The following PTPRO variants were observed in gnomAD, a reference collection of about 807,000 sequenced individuals.
PTPRO encodes the protein receptor-type tyrosine-protein phosphatase O.
PTPRO carries 62 observed loss-of-function variants against 145.2 expected under a neutral mutation model. That is an observed-to-expected ratio of 0.43 (90% CI 0.35 to 0.53). PTPRO has a LOEUF of 0.53. PTPRO is among the 20% of genes least tolerant of loss of function. The pLI, the probability that PTPRO is intolerant of heterozygous loss-of-function variation, is 0.01. For missense variants in PTPRO, 1,345 were observed against 1,482.7 expected (o/e 0.91, Z 1.53); for synonymous variants, 565 against 514.7 (o/e 1.10, Z -1.32).
intron 1 of PTPRO, among the ~76,000 whole-genome samples, chr12:15,468,763 G>T (rs570181402): frequency 6.6e-6 from 1 of 152,274 alleles, no homozygotes; most frequent in East Asian, 1.9e-4. Context: ...GCACTCAATT[G>T]TTAAAAACTA....
chr12:15,327,527 A>G (rs1488092662), intron 1 of PTPRO, among the ~76,000 whole-genome samples: 2 of 152,144 alleles, frequency 1.3e-5, no homozygotes, highest in African/African-American at 2.4e-5. Context: ...CCCTTAAGAG[A>G]TGAAGTATTT....
chr12:15,561,575 T>C (rs997613238), intron 17 of PTPRO, among the ~76,000 whole-genome samples: 3 of 152,132 alleles, frequency 2.0e-5, no homozygotes, highest in Non-Finnish European at 4.4e-5. Context: ...AGTTCATTGT[T>C]ACAGTTTTTA....
At chr12:15,537,591 G>A (rs1053139401) in intron 12 of PTPRO, among the ~76,000 whole-genome samples, 1 of 152,154 alleles carries the variant, frequency 6.6e-6, no homozygotes, top group Non-Finnish European at 1.5e-5. Context: ...GCATTTGGGT[G>A]CCATGGTGAC....
At chr12:15,514,131 T>C (rs1942524039) in intron 7 of PTPRO, among the ~76,000 whole-genome samples, 1 of 152,194 alleles carries the variant, frequency 6.6e-6, no homozygotes, top group Admixed American at 6.5e-5. Context: ...CTCTATATGG[T>C]ATTTGTTACG....
intron 1 of PTPRO, among the ~76,000 whole-genome samples, chr12:15,437,965 G>A (rs1940647022): frequency 6.6e-6 from 1 of 152,132 alleles, no homozygotes; most frequent in African/African-American, 2.4e-5. Context: ...CCATTGCCTG[G>A]GCAACAGAGA....
At chr12:15,371,659 T>C (rs1938534926) in intron 1 of PTPRO, among the ~76,000 whole-genome samples, 1 of 152,180 alleles carries the variant, frequency 6.6e-6, no homozygotes, top group Non-Finnish European at 1.5e-5. Flanking sequence ...ACAATCTTTT[T>C]TATTTCTTAT....
At chr12:15,328,196 G>T (rs1399090392) in intron 1 of PTPRO, among the ~76,000 whole-genome samples, 2 of 151,172 alleles carry the variant, frequency 1.3e-5, no homozygotes, top group Non-Finnish European at 2.9e-5. Flanking sequence ...TACTCCTAAT[G>T]TTTCCCTTTT....
chr12:15,417,319 T>C (rs949547155), intron 1 of PTPRO, among the ~76,000 whole-genome samples: 1 of 151,802 alleles, frequency 6.6e-6, no homozygotes, highest in Non-Finnish European at 1.5e-5. Flanking sequence ...GAACCGTCTG[T>C]ATAAGGTATC....
intron 1 of PTPRO, among the ~76,000 whole-genome samples, chr12:15,364,274 T>G (rs1017554184): frequency 3.3e-5 from 5 of 152,136 alleles, no homozygotes; most frequent in Non-Finnish European, 7.3e-5. Flanking sequence ...TCTAAACACA[T>G]GTAAAGGAGA....
intron 13 of PTPRO, among the ~76,000 whole-genome samples, chr12:15,548,673 A>C (rs1565419489): frequency 6.6e-6 from 1 of 152,168 alleles, no homozygotes; most frequent in Non-Finnish European, 1.5e-5. Flanking sequence ...CATTAAATAA[A>C]TTATGGTATG....
intron 1 of PTPRO, among the ~76,000 whole-genome samples, chr12:15,467,993 G>T (rs573581699): frequency 2.4e-4 from 37 of 152,294 alleles, no homozygotes; most frequent in African/African-American, 8.9e-4. Context: ...TCCATTGGCA[G>T]ATTGCCCCTT....
chr12:15,565,856 A>T (rs1013101434), intron 18 of PTPRO, among the ~76,000 whole-genome samples: 1 of 152,216 alleles, frequency 6.6e-6, no homozygotes, highest in African/African-American at 2.4e-5. Flanking sequence ...TGTTTATCAT[A>T]TCAAATCTGA....
chr12:15,527,413 G>T (rs1056212622), intron 12 of PTPRO, among the ~76,000 whole-genome samples: 3 of 152,192 alleles, frequency 2.0e-5, no homozygotes, highest in Non-Finnish European at 4.4e-5. Context: ...TAACCCACAG[G>T]AAGCATCGTG....
chr12:15,525,331 T>C (rs931477150), intron 11 of PTPRO, among the ~76,000 whole-genome samples: 1 of 152,306 alleles, frequency 6.6e-6, no homozygotes, highest in East Asian at 1.9e-4. Context: ...TGATTTCTTT[T>C]CTCCAAAATA....
intron 22 of PTPRO, 124 bp downstream of exon 22, chr12:15,580,955 A>C: frequency 7.5e-7 from 1 of 1,334,304 alleles, no homozygotes; most frequent in South Asian, 1.2e-5. Flanking sequence ...AATTTAAAAC[A>C]TTGTATTCGG....
intron 8 of PTPRO, among the ~76,000 whole-genome samples, chr12:15,515,992 G>GTTTTTTT (rs869246291): frequency 7.9e-6 from 1 of 126,844 alleles, no homozygotes; most frequent in Non-Finnish European, 1.6e-5. Flanking sequence ...TTTTTGTTTT[G>GTTTTTTT]TTTTTTTTTT....
At chr12:15,530,683 A>G (rs188470921) in intron 12 of PTPRO, among the ~76,000 whole-genome samples, 2 of 152,298 alleles carry the variant, frequency 1.3e-5, no homozygotes, top group Admixed American at 1.3e-4. Flanking sequence ...GACAAATGAA[A>G]ATGAAAATAC....
At chr12:15,434,455 TAGTAAAGATC>T (rs1565627372) in intron 1 of PTPRO, among the ~76,000 whole-genome samples, 1 of 152,166 alleles carries the variant, frequency 6.6e-6, no homozygotes, top group African/African-American at 2.4e-5. Flanking sequence ...AATGGTAAAG[TAGTAAAGATC>T]AGTATTTCCT....
At chr12:15,475,196 G>A (rs1941628094) in intron 1 of PTPRO, among the ~76,000 whole-genome samples, 1 of 152,148 alleles carries the variant, frequency 6.6e-6, no homozygotes, top group South Asian at 2.1e-4. Context: ...ACCACCTTCT[G>A]TTATTGGCTG....
Sources: gnomAD v4.1 joint callset for allele counts (sites outside exome capture counted in the v4.1 genomes callset) on GRCh38, gnomAD v4.1.1 for gene constraint, MANE v1.5 for transcripts, NCBI Gene and HGNC (gene_info 2026-07-23, HGNC 2026-07-21) for gene names.